PDE10A: variants seen among roughly 807,000 people sequenced by gnomAD.
The protein encoded by PDE10A is phosphodiesterase 10A.
A neutral mutation model predicts 97.7 loss-of-function variants in PDE10A; 39 were observed. The ratio of observed to expected loss-of-function variants is 0.40; its 90% confidence interval spans 0.31 to 0.52. The LOEUF (loss-of-function observed/expected upper bound fraction) is 0.52. PDE10A is among the 20% of genes least tolerant of loss of function. The pLI, the probability that PDE10A is intolerant of heterozygous loss-of-function variation, is 0.56. For synonymous variants in PDE10A, 371 were observed against 376.8 expected (o/e 0.98, Z 0.18); for missense variants, 731 against 1,047.8 (o/e 0.70, Z 4.17).
chr6:165,734,118 A>T (rs940374131), intron 1 of PDE10A, among the ~76,000 whole-genome samples: 1 of 152,190 alleles, frequency 6.6e-6, no homozygotes, highest in African/African-American at 2.4e-5. Context: ...GAAGAGAGAG[A>T]CTGCAAAGGA....
chr6:165,479,416 T>A (rs1779476900), intron 3 of PDE10A, among the ~76,000 whole-genome samples: 1 of 152,198 alleles, frequency 6.6e-6, no homozygotes, highest in African/African-American at 2.4e-5. Context: ...CCTCAGGGCC[T>A]CTGCAGTTCC....
chr6:165,813,560 G>C (rs1356799918), intron 1 of PDE10A, among the ~76,000 whole-genome samples: 1 of 152,140 alleles, frequency 6.6e-6, no homozygotes, highest in Non-Finnish European at 1.5e-5. Context: ...CAGTAGTTTT[G>C]TTTTCCTTGA....
At position 165,431,126 on chromosome 6, in the gene PDE10A, A is replaced by G. The variant is rs470311; in HGVS notation, c.1542+296T>C. On this transcript the variant is annotated intron_variant, in intron 8 of 21. Transcript: ENST00000539869. Reference sequence around the variant, plus strand: ...AGTAGGAGATTGTTCCTAGGTTTTCAGTGGAAAACAAATACTACAGCAGGA... The same window carrying G: ...AGTAGGAGATTGTTCCTAGGTTTTCGGTGGAAAACAAATACTACAGCAGGA... Among the ~76,000 whole-genome samples the G allele has an allele frequency of 7.8e-3, 1,181 of 152,196 alleles. 19 individuals carry two copies. The highest frequency in any genetic ancestry group is 0.027 in the African/African-American group (1,129 of 41,532).
In PDE10A at chr6:165,534,230, G is replaced by A. The variant is rs556035515; in HGVS notation, c.994+9210C>T. Reference sequence around the variant, plus strand: ...TTCCTAGACACACATAACCTGACACGACTGTACCAGGAAGAAATAGAAAAC... The same window carrying A: ...TTCCTAGACACACATAACCTGACACAACTGTACCAGGAAGAAATAGAAAAC... On this transcript the variant is annotated intron_variant, in intron 2 of 21. Coordinates refer to ENST00000539869, the MANE Select transcript of PDE10A (RefSeq NM_001385079.1). 3.3e-5 allele frequency among the ~76,000 whole-genome samples: 5 copies of A among 150,406 alleles called. No individual in the cohort carries two copies. In the East Asian group the frequency reaches 5.9e-4, roughly 18 times the overall value.
chr6:165,731,283 G>A (rs1369516498), intron 1 of PDE10A, among the ~76,000 whole-genome samples: 2 of 152,182 alleles, frequency 1.3e-5, no homozygotes, highest in Non-Finnish European at 2.9e-5. Context: ...CCCTGTACGG[G>A]GGGAAAAGTG....
chr6:165,341,808 T>C (rs549686981), intron 19 of PDE10A, among the ~76,000 whole-genome samples: 2 of 152,314 alleles, frequency 1.3e-5, no homozygotes, highest in Admixed American at 6.5e-5. Flanking sequence ...ATGAAAACTA[T>C]GCAAGAACCA....
At chr6:165,950,693 T>C (rs1783926446) in intron 1 of PDE10A, among the ~76,000 whole-genome samples, 1 of 152,072 alleles carries the variant, frequency 6.6e-6, no homozygotes, top group Non-Finnish European at 1.5e-5. Flanking sequence ...TGGGTACCCA[T>C]GGATGAGGAG....
At chr6:165,619,410 T>C (rs1338538551) in intron 1 of PDE10A, among the ~76,000 whole-genome samples, 7 of 94,598 alleles carry the variant, frequency 7.4e-5, no homozygotes, top group South Asian at 3.8e-4. Context: ...TAGTGTAGTC[T>C]AGTGTAGTGT....
At chr6:165,900,819 C>G (rs117569840) in intron 1 of PDE10A, among the ~76,000 whole-genome samples, 3,233 of 152,330 alleles carry the variant, frequency 0.021, 63 homozygotes, top group South Asian at 0.081. Flanking sequence ...AACATACTCT[C>G]ATAGTTCCTG....
At chr6:165,669,434 A>G (rs1393037575) in intron 1 of PDE10A, among the ~76,000 whole-genome samples, 1 of 152,212 alleles carries the variant, frequency 6.6e-6, no homozygotes, top group Non-Finnish European at 1.5e-5. Context: ...AAAGGTCAAC[A>G]AAGGAGGATC....
intron 1 of PDE10A, among the ~76,000 whole-genome samples, chr6:165,942,144 C>T (rs1276577483): frequency 3.9e-5 from 6 of 152,096 alleles, no homozygotes; most frequent in Admixed American, 6.5e-5. Context: ...AATAAATGTC[C>T]GTTACTGCCT....
At chr6:165,450,094 A>G in intron 4 of PDE10A, 148 bp downstream of exon 4, 1 of 581,296 alleles carries the variant, frequency 1.7e-6, no homozygotes, top group Non-Finnish European at 3.0e-6. Flanking sequence ...TGGTAGTTTC[A>G]TAATAAAATA....
At chr6:165,620,468 T>A (rs1583660611) in intron 1 of PDE10A, among the ~76,000 whole-genome samples, 1 of 152,132 alleles carries the variant, frequency 6.6e-6, no homozygotes, top group Non-Finnish European at 1.5e-5. Context: ...TGCAGTCAGG[T>A]CACTGTGGAA....
intron 1 of PDE10A, among the ~76,000 whole-genome samples, chr6:165,640,945 T>G (rs1789099888): frequency 6.6e-6 from 1 of 152,266 alleles, no homozygotes; most frequent in Admixed American, 6.5e-5. Context: ...ATCACTTGTC[T>G]GATGTCACTA....
intron 1 of PDE10A, among the ~76,000 whole-genome samples, chr6:165,833,287 T>C (rs979922808): frequency 6.6e-6 from 1 of 152,218 alleles, no homozygotes; most frequent in Non-Finnish European, 1.5e-5. Context: ...CAGCCTCAAT[T>C]ATGATTCACC....
chr6:165,354,571 A>G (rs1318729929), intron 18 of PDE10A, among the ~76,000 whole-genome samples: 1 of 152,232 alleles, frequency 6.6e-6, no homozygotes, highest in African/African-American at 2.4e-5. Context: ...CTGAATTCCA[A>G]TTGAGTTATT....
chr6:165,484,849 T>C (rs1779809978), intron 2 of PDE10A, among the ~76,000 whole-genome samples: 1 of 152,158 alleles, frequency 6.6e-6, no homozygotes, highest in African/African-American at 2.4e-5. Flanking sequence ...TCTGCACCTC[T>C]TTCCCACACT....
chr6:165,591,244 G>C (rs191367499), intron 1 of PDE10A, among the ~76,000 whole-genome samples: 1 of 152,198 alleles, frequency 6.6e-6, no homozygotes, highest in African/African-American at 2.4e-5. Context: ...GGCACAAAGG[G>C]GGCTTTTTCT....
chr6:165,579,362 T>A (rs910147701), intron 1 of PDE10A, among the ~76,000 whole-genome samples: 2 of 152,050 alleles, frequency 1.3e-5, no homozygotes, highest in Non-Finnish European at 2.9e-5. Flanking sequence ...AGTAGCAAAA[T>A]AAAACTCATA....
Sources: gnomAD v4.1 joint callset for allele counts (sites outside exome capture counted in the v4.1 genomes callset) on GRCh38, gnomAD v4.1.1 for gene constraint, MANE v1.5 for transcripts, NCBI Gene and HGNC (gene_info 2026-07-23, HGNC 2026-07-21) for gene names.